Variants in CSMD3 observed in about 807,000 individuals in gnomAD.
CSMD3 encodes the protein CUB and Sushi multiple domains 3.
In CSMD3, 177 loss-of-function variants were observed where a neutral mutation model predicts 435.2. That is an observed-to-expected ratio of 0.41 (90% confidence interval 0.36 to 0.46). The LOEUF (loss-of-function observed/expected upper bound fraction) is 0.46. CSMD3 is among the 20% of genes least tolerant of loss of function. The probability of loss-of-function intolerance (pLI) is 0.34; values close to 1 mark genes in which losing one functional copy is unlikely to be tolerated. For missense variants in CSMD3, 4,265 were observed against 4,504.6 expected, an observed-to-expected ratio of 0.95 and a Z score of 1.52; for synonymous variants, 1,656 against 1,520.5, an observed-to-expected ratio of 1.09 and a Z score of -2.07.
At chr8:112,628,337 A>T (rs1321869540) in intron 22 of CSMD3, among the ~76,000 whole-genome samples, 2 of 152,088 alleles carry the variant, frequency 1.3e-5, no homozygotes, top group Admixed American at 1.3e-4. Flanking sequence ...GTTTCTATCA[A>T]TCATAATCAT....
At chr8:112,516,377 A>G (rs1398034540) in intron 28 of CSMD3, among the ~76,000 whole-genome samples, 1 of 152,126 alleles carries the variant, frequency 6.6e-6, no homozygotes, top group Non-Finnish European at 1.5e-5. Flanking sequence ...TTAAGATTAA[A>G]CTAGTTTAAT....
chr8:112,550,542 G>A (rs1420595295), intron 27 of CSMD3, 129 bp downstream of exon 27: 22 of 605,162 alleles, frequency 3.6e-5, no homozygotes, highest in Middle Eastern at 4.5e-4. Context: ...CAGAAATATA[G>A]GAAGACTAGA....
chr8:112,380,821 G>A (rs1036392909), intron 37 of CSMD3, among the ~76,000 whole-genome samples: 2 of 152,100 alleles, frequency 1.3e-5, no homozygotes, highest in Non-Finnish European at 2.9e-5. Context: ...ACATATATAT[G>A]TAAAGTTATA....
chr8:113,163,595 A>AT (rs1466539578), intron 4 of CSMD3, among the ~76,000 whole-genome samples: 52 of 152,176 alleles, frequency 3.4e-4, no homozygotes, highest in African/African-American at 1.2e-3. Flanking sequence ...GAAAAAATTA[A>AT]GATAATATTA....
chr8:112,282,411 A>G (rs1818746205), intron 58 of CSMD3, among the ~76,000 whole-genome samples: 1 of 152,126 alleles, frequency 6.6e-6, no homozygotes, highest in Non-Finnish European at 1.5e-5. Flanking sequence ...TAAATGCATT[A>G]GTGCCTGCCT....
chr8:113,188,903 G>A (rs1465029915), intron 3 of CSMD3, among the ~76,000 whole-genome samples: 1 of 151,866 alleles, frequency 6.6e-6, no homozygotes, highest in Non-Finnish European at 1.5e-5. Context: ...TAACTATGTT[G>A]TGAGTTTCTT....
chr8:112,830,354 G>C (rs563971131), intron 11 of CSMD3, among the ~76,000 whole-genome samples: 1 of 151,880 alleles, frequency 6.6e-6, no homozygotes, highest in Non-Finnish European at 1.5e-5. Context: ...TAAAATGAGC[G>C]GCAAAACTGG....
At chr8:113,222,410 C>T (rs866154609) in intron 3 of CSMD3, among the ~76,000 whole-genome samples, 1 of 150,516 alleles carries the variant, frequency 6.6e-6, no homozygotes, top group Non-Finnish European at 1.5e-5. Flanking sequence ...TATGTATGGG[C>T]AATAATCATG....
In CSMD3 at chr8:112,310,997, C is replaced by A. The variant is rs559960175; in HGVS notation, c.7866G>T (p.Ala2622=). The A allele has an allele frequency of 1.9e-6, 3 of 1,613,680 alleles. No homozygotes were observed. The highest frequency in any genetic ancestry group is 1.7e-5 in the Admixed American group (1 of 59,998). The change falls in exon 50 of 71, where the codon GCG becomes GCT. Residue 2622 remains alanine (A), a synonymous_variant. Coordinates refer to ENST00000297405, the MANE Select transcript of CSMD3 (RefSeq NM_198123.2). ...CTTCACCTTGACAGGCAGGGACTGG[C>A]GCATCCCATGCATGATACCCATAGG... ...KSSYGYHAWD[A]PVPACQAISC...
chr8:112,799,573 T>C (rs1432099184), intron 13 of CSMD3, among the ~76,000 whole-genome samples: 2 of 151,970 alleles, frequency 1.3e-5, no homozygotes, highest in African/African-American at 4.8e-5. Context: ...AGGTCCAACA[T>C]GTGTGGAAGA....
intron 4 of CSMD3, among the ~76,000 whole-genome samples, chr8:113,135,818 C>A (rs1360028814): frequency 2.6e-5 from 4 of 151,676 alleles, no homozygotes; most frequent in African/African-American, 9.7e-5. Flanking sequence ...ATTGGACTGA[C>A]CTCTGTGGAA....
intron 22 of CSMD3, among the ~76,000 whole-genome samples, chr8:112,627,306 C>G (rs1029752178): frequency 1.3e-5 from 2 of 152,084 alleles, no homozygotes; most frequent in East Asian, 3.9e-4. Flanking sequence ...AAAGTATGCT[C>G]TAGGTATTTC....
chr8:113,032,552 T>A (rs60804827), intron 5 of CSMD3, among the ~76,000 whole-genome samples: 14,653 of 151,536 alleles, frequency 0.097, 1,209 homozygotes, highest in Middle Eastern at 0.16. Flanking sequence ...TGGCTTATTT[T>A]GAAAGTGTAC....
At chr8:113,245,416 ATT>A in intron 3 of CSMD3, among the ~76,000 whole-genome samples, 1 of 151,980 alleles carries the variant, frequency 6.6e-6, no homozygotes, top group East Asian at 1.9e-4. Flanking sequence ...TTTACTTTAT[ATT>A]GAGTTATTCT....
chr8:113,160,106 A>T (rs974405386), intron 4 of CSMD3, among the ~76,000 whole-genome samples: 5 of 152,026 alleles, frequency 3.3e-5, no homozygotes, highest in Non-Finnish European at 7.4e-5. Flanking sequence ...ATTTCCTGAA[A>T]ACACAAATTT....
At chr8:112,504,816 C>T (rs1043312524) in intron 29 of CSMD3, among the ~76,000 whole-genome samples, 1 of 151,976 alleles carries the variant, frequency 6.6e-6, no homozygotes. Context: ...TCTGTTTTTC[C>T]TAACTCATAC....
chr8:112,975,438 A>C (rs1461376829), intron 7 of CSMD3, among the ~76,000 whole-genome samples: 1 of 152,134 alleles, frequency 6.6e-6, no homozygotes, highest in Non-Finnish European at 1.5e-5. Context: ...AAATTACTAC[A>C]TGGGATAAAT....
chr8:112,467,630 C>A (rs959352010), intron 32 of CSMD3, among the ~76,000 whole-genome samples: 1 of 151,980 alleles, frequency 6.6e-6, no homozygotes, highest in African/African-American at 2.4e-5. Context: ...AGGGATTTTG[C>A]AGATGTGATT....
intron 13 of CSMD3, among the ~76,000 whole-genome samples, chr8:112,714,878 A>G (rs1425444254): frequency 6.6e-6 from 1 of 152,206 alleles, no homozygotes. Context: ...GAAACCAATG[A>G]GAATAAAGAG....
Sources: gnomAD v4.1 joint callset for allele counts (sites outside exome capture counted in the v4.1 genomes callset) on GRCh38, gnomAD v4.1.1 for gene constraint, MANE v1.5 for transcripts, NCBI Gene and HGNC (gene_info 2026-07-23, HGNC 2026-07-21) for gene names.